The following FBXO46 variants were observed in gnomAD, a reference collection of about 807,000 sequenced individuals.
FBXO46 encodes F-box only protein 46.
Under a neutral mutation model 30.7 loss-of-function variants are expected in FBXO46, and 13 were observed. The ratio of observed to expected loss-of-function variants is 0.42; its 90% CI spans 0.28 to 0.67. FBXO46 has a LOEUF of 0.67. FBXO46 is among the 30% of genes least tolerant of loss of function. The pLI is 0.21. For missense variants in FBXO46, 754 were observed against 871.5 expected (o/e 0.87, Z 1.70); for synonymous variants, 467 against 385.8 (o/e 1.21, Z -2.47).
chr19:45,715,784 C>A (rs1214660270), intron 1 of FBXO46: 2 of 117,928 alleles, frequency 1.7e-5, no homozygotes, highest in East Asian at 2.4e-4. Flanking sequence ...CCAGCCTGGG[C>A]GACAAGAGCT....
Position 45,719,820 on chromosome 19 carries a change from T to C in FBXO46, c.-78-6247A>G, listed in dbSNP as rs146212278. Among the ~76,000 whole-genome samples, 281 of 152,292 alleles carry C rather than the reference T, an allele frequency of 1.8e-3. 2 individuals are homozygous for C. The highest frequency in any genetic ancestry group is 0.013 in the South Asian group (61 of 4,828). On this transcript the variant is annotated intron_variant, in intron 1 of 1. Transcript: ENST00000317683. ...AACAAACAGTCAGAACCAACATGAA[T>C]ATATTAGAAAATGATAATCACAACA...
Position 45,713,148 on chromosome 19 carries a change from G to A in FBXO46, c.348C>T (p.Ser116=). Residue 116 remains serine, a synonymous_variant, in exon 2 of 2, where the codon AGC becomes AGT. Coordinates refer to ENST00000317683, the MANE Select transcript of FBXO46 (RefSeq NM_001080469.2). The surrounding 1 kb of genome is among the most constrained non-coding windows in gnomAD (Gnocchi z 4.7). ...CCCAGTGCCCCTTGACCTTCATGGAGCTGGCCCGGCTGCCCCCACCACACT... is the reference window on the plus strand; with the variant it reads ...CCCAGTGCCCCTTGACCTTCATGGAACTGGCCCGGCTGCCCCCACCACACT... ...AHQCGGGSRA[S]SMKVKGHWGS... is the part of the protein sequence containing the mutation. 4 of 1,613,478 alleles carry A rather than the reference G, an allele frequency of 2.5e-6. No homozygotes were observed. Among genetic ancestry groups the A allele is most frequent in the Non-Finnish European group, 3.4e-6 (4 of 1,179,768 alleles).
At position 45,711,528 on chromosome 19, in the gene FBXO46, C is replaced by G. The variant is rs1967963702; in HGVS notation, c.*156G>C. ...TCAACAGGATCAAGCAGAGGGCTTT[C>G]CTGGGTCACCCCTGCTGAACCCCAG... On this transcript the variant is annotated 3_prime_UTR_variant, in exon 2 of 2. Coordinates refer to ENST00000317683, the MANE Select transcript of FBXO46 (RefSeq NM_001080469.2). The G allele has an allele frequency of 5.6e-6, 4 of 718,952 alleles. No homozygotes were observed. The highest frequency in any genetic ancestry group is 1.5e-5 in the South Asian group (1 of 67,094). 44.5% of individuals were successfully genotyped at this position (718,952 alleles called of 1,614,324 possible). A position where few individuals can be genotyped will look rare whatever the true frequency, so the allele number is the denominator to read the frequency against.
In FBXO46 at chr19:45,712,631, C is replaced by A; in HGVS notation, c.865G>T (p.Ala289Ser). 1.2e-6 allele frequency: 2 copies of A among 1,602,026 alleles called. No homozygotes were observed. Among genetic ancestry groups the A allele is most frequent in the Non-Finnish European group, 8.5e-7 (1 of 1,174,064 alleles). The change falls in exon 2 of 2, where the codon GCC (alanine) becomes TCC (serine). Residue 289 changes from alanine to serine, a missense_variant. Physicochemically the swap from Ala to Ser is moderately conservative, Grantham distance 99. Around this residue, in one of 5 missense-constraint regions of FBXO46, gnomAD observed 454 missense variants for 426.5 expected, o/e 1.06. Coordinates refer to ENST00000317683, the MANE Select transcript of FBXO46 (RefSeq NM_001080469.2). This position sits in a 1 kb window ranked among gnomAD's most constrained non-coding sequence, Gnocchi z 8.8. ...CCAGGACCTGGGCTGCCAGGGTAGG[C>A]ACAACCAGGCCTGCCCCCGCCCCCA... Reference protein sequence around the residue: ...PSGGGGRPGCAYPGSPGPGAR... With the variant: ...PSGGGGRPGCSYPGSPGPGAR...
At chr19:45,731,518 T>C (rs921513866), upstream of FBXO46, among the ~76,000 whole-genome samples, 4 of 151,648 alleles carry the variant, frequency 2.6e-5, no homozygotes, top group Non-Finnish European at 4.4e-5. Context: ...AGTTTCACCA[T>C]GTTGGTCAGG....
At chr19:45,726,594 G>A (rs1356997600) in intron 1 of FBXO46, among the ~76,000 whole-genome samples, 2 of 151,796 alleles carry the variant, frequency 1.3e-5, no homozygotes, top group Non-Finnish European at 2.9e-5. Flanking sequence ...GTTGCAGTGA[G>A]CCAAGATCAT....
At chr19:45,724,678 G>A (rs577011001) in intron 1 of FBXO46, among the ~76,000 whole-genome samples, 9 of 152,172 alleles carry the variant, frequency 5.9e-5, no homozygotes, top group South Asian at 2.1e-4. Context: ...TGTTCGAGAC[G>A]GAGGCCTGCT....
chr19:45,715,001 A>G (rs1968069084), intron 1 of FBXO46: 2 of 152,220 alleles, frequency 1.3e-5, no homozygotes, highest in South Asian at 4.1e-4. Context: ...GGGAAGGGTG[A>G]CATAGCTAAG....
At chr19:45,716,266 C>T (rs1194632691) in intron 1 of FBXO46, 1 of 152,144 alleles carries the variant, frequency 6.6e-6, no homozygotes, top group African/African-American at 2.4e-5. Context: ...GTAAGGGATA[C>T]TTGACCTGTA....
intron 1 of FBXO46, chr19:45,714,370 CTTT>C (rs1197375866): frequency 2.6e-5 from 4 of 151,644 alleles, no homozygotes; most frequent in African/African-American, 9.7e-5. Context: ...AAGAAATCGG[CTTT>C]TCTTTTTTTT....
At chr19:45,730,399 C>T (rs1427693188) in intron 1 of FBXO46, among the ~76,000 whole-genome samples, 4 of 151,996 alleles carry the variant, frequency 2.6e-5, no homozygotes, top group Non-Finnish European at 5.9e-5. Flanking sequence ...CTCCTACCTC[C>T]TCAACTTGCC....
intron 1 of FBXO46, among the ~76,000 whole-genome samples, chr19:45,729,016 C>T (rs1968274701): frequency 6.6e-6 from 1 of 151,876 alleles, no homozygotes; most frequent in Admixed American, 6.6e-5. Context: ...GAGGCTGAGG[C>T]GGAGAATTGC....
Position 45,712,194 on chromosome 19 carries a change from T to C in FBXO46, c.1302A>G (p.Pro434=), listed in dbSNP as rs1359615844. 2 of 1,604,104 alleles carry C rather than the reference T, an allele frequency of 1.2e-6. No individual in the cohort carries two copies. The highest frequency in any genetic ancestry group is 2.7e-5 in the African/African-American group (2 of 74,750). The part of the protein sequence containing the change: ...PADSPATAPG[P]DDAEGTADTS... ...TGTCCGCCGTGCCCTCGGCATCGTC[T>C]GGGCCGGGCGCAGTGGCCGGGGAGT... is the stretch of plus-strand genomic sequence containing the variant. The change falls in exon 2 of 2, where the codon CCA becomes CCG. Residue 434 remains proline (P), a synonymous_variant. Transcript: ENST00000317683. The surrounding 1 kb of genome is among the most constrained non-coding windows in gnomAD (Gnocchi z 8.8).
At position 45,712,020 on chromosome 19, in the gene FBXO46, C is replaced by G. The variant is rs1199267070; in HGVS notation, c.1476G>C (p.Ala492=). Residue 492 remains alanine, a synonymous_variant, in exon 2 of 2, where the codon GCG becomes GCC. Transcript: ENST00000317683. The surrounding 1 kb of genome is among the most constrained non-coding windows in gnomAD (Gnocchi z 8.8). The part of the protein sequence containing the change: ...VKIFSFLPTR[A]LAALKCTCHH... Reference sequence around the variant, plus strand: ...GGCAGGTGCACTTGAGGGCGGCCAGCGCGCGCGTGGGCAGGAAGCTGAAGA... The same window carrying G: ...GGCAGGTGCACTTGAGGGCGGCCAGGGCGCGCGTGGGCAGGAAGCTGAAGA... The G allele has an allele frequency of 1.2e-6, 2 of 1,612,154 alleles. No individual in the cohort carries two copies. The highest frequency in any genetic ancestry group is 2.2e-5 in the East Asian group (1 of 44,854).
chr19:45,713,181 C>T lies in FBXO46; in HGVS notation c.315G>A (p.Val105=). 1 of 1,613,824 alleles carries T rather than the reference C, an allele frequency of 6.2e-7. No individual in the cohort carries two copies. Residue 105 remains valine (V), a synonymous_variant, in exon 2 of 2, where the codon GTG becomes GTA. Coordinates refer to ENST00000317683, the MANE Select transcript of FBXO46 (RefSeq NM_001080469.2). This position sits in a 1 kb window ranked among gnomAD's most constrained non-coding sequence, Gnocchi z 4.7. ...GGCTGCCCCCACCACACTGGTGGGC[C>T]ACAAAGAAGGCCACCTTCTCCTTTG... ...GNTKEKVAFF[V]AHQCGGGSRA...
At position 45,713,394 on chromosome 19, in the gene FBXO46, T is replaced by A; in HGVS notation, c.102A>T (p.Pro34=). 1.2e-6 allele frequency: 2 copies of A among 1,610,678 alleles called. No individual in the cohort carries two copies. The highest frequency in any genetic ancestry group is 1.7e-6 in the Non-Finnish European group (2 of 1,177,614). The part of the protein sequence containing the change: ...QPRPPSAALK[P]SACPEPGGGA... ...CGCCACCAGGCTCAGGGCAGGCTGATGGCTTGAGGGCCGCAGAAGGCGGGC... is the reference window on the plus strand; with the variant it reads ...CGCCACCAGGCTCAGGGCAGGCTGAAGGCTTGAGGGCCGCAGAAGGCGGGC... Residue 34 remains proline (P), a synonymous_variant, in exon 2 of 2, where the codon CCA becomes CCT. Transcript: ENST00000317683. The surrounding 1 kb of genome is among the most constrained non-coding windows in gnomAD (Gnocchi z 4.7).
chr19:45,732,292 A>G (rs1418044351), upstream of FBXO46, among the ~76,000 whole-genome samples: 1 of 152,114 alleles, frequency 6.6e-6, no homozygotes, highest in Non-Finnish European at 1.5e-5. Context: ...TCCCAAATTT[A>G]TAAGGCAGAA....
Position 45,713,875 on chromosome 19 carries a change from C to T in FBXO46, c.-78-302G>A, listed in dbSNP as rs954817259. The stretch of plus-strand genomic sequence containing the variant: ...CCAAGCTACTTGGGAGGCTGAGGCA[C>T]GAGAATCGCTTGAACCTGGGAGGTG... On this transcript the variant is annotated intron_variant, in intron 1 of 1. Transcript: ENST00000317683. The surrounding 1 kb of genome is among the most constrained non-coding windows in gnomAD (Gnocchi z 4.7). 2.7e-5 allele frequency among the ~76,000 whole-genome samples: 4 copies of T among 147,338 alleles called. No individual in the cohort carries two copies. Among genetic ancestry groups the T allele is most frequent in the African/African-American group, 7.6e-5 (3 of 39,704 alleles).
upstream of FBXO46, among the ~76,000 whole-genome samples, chr19:45,732,588 C>CTTTTTTTTTTT (rs750349502): frequency 1.2e-5 from 1 of 86,944 alleles, no homozygotes; most frequent in Non-Finnish European, 2.0e-5. Flanking sequence ...CTTTTTTTTC[C>CTTTTTTTTTTT]TTTTTTTTTT....
Sources: allele counts gnomAD v4.1 joint callset (sites outside exome capture counted in the v4.1 genomes callset), GRCh38; gene constraint gnomAD v4.1.1; regional missense constraint gnomAD v4.1.1; non-coding constraint Gnocchi (gnomAD v3.1); transcripts MANE v1.5; gene names NCBI Gene and HGNC (gene_info 2026-07-23, HGNC 2026-07-21).